ETF1: variants seen among roughly 807,000 people sequenced by gnomAD.
ETF1 encodes the protein eukaryotic peptide chain release factor subunit 1.
Under a neutral mutation model 55.1 loss-of-function variants are expected in ETF1, and 4 were observed. The observed-to-expected ratio is 0.07, with a 90% CI of 0.04 to 0.17. The LOEUF (loss-of-function observed/expected upper bound fraction) is 0.17, where lower values mean the gene tolerates loss of function less well. Among genes scored for constraint, ETF1 ranks in the 10% least tolerant of loss-of-function variants. The pLI is 1.00. For missense variants in ETF1, 142 were observed against 523.6 expected (o/e 0.27, Z 7.11); for synonymous variants, 157 against 182.3 (o/e 0.86, Z 1.12).
chr5:138,531,233 A>T (rs1432936068), intron 2 of ETF1, among the ~76,000 whole-genome samples: 1 of 152,128 alleles, frequency 6.6e-6, no homozygotes, highest in African/African-American at 2.4e-5. Context: ...AAGATAAAAT[A>T]AGGTGCTTAT....
intron 2 of ETF1, among the ~76,000 whole-genome samples, chr5:138,520,900 G>A (rs1765206164): frequency 1.3e-5 from 2 of 152,034 alleles, no homozygotes; most frequent in African/African-American, 4.8e-5. Context: ...AATATAAAAT[G>A]GTACAGCCAT....
At chr5:138,524,129 T>C (rs950600355) in intron 2 of ETF1, among the ~76,000 whole-genome samples, 5 of 150,098 alleles carry the variant, frequency 3.3e-5, no homozygotes, top group South Asian at 2.1e-4. Context: ...GAGGTTGCGG[T>C]GCAGTGAGCC....
intron 3 of ETF1, among the ~76,000 whole-genome samples, chr5:138,518,277 C>G (rs1057043566): frequency 1.3e-5 from 2 of 151,368 alleles, no homozygotes; most frequent in Admixed American, 6.6e-5. Context: ...GCAGCGAGAT[C>G]GTGGCTCACT....
intron 2 of ETF1, among the ~76,000 whole-genome samples, chr5:138,525,839 T>C (rs1275247165): frequency 6.6e-6 from 1 of 150,776 alleles, no homozygotes; most frequent in Non-Finnish European, 1.5e-5. Context: ...CCAGCTACTT[T>C]GAAGGCTGAG....
intron 8 of ETF1, 61 bp downstream of exon 8, chr5:138,510,984 T>TCTC (rs895036284): frequency 7.0e-6 from 11 of 1,577,186 alleles, no homozygotes; most frequent in Non-Finnish European, 9.5e-6. Context: ...CCCTCCCAAA[T>TCTC]CTCCACCCCA....
rs1580731660 is a variant in ETF1, at chr5:138,542,730, G to A, written c.86+103C>T. The A allele has an allele frequency of 7.1e-6, 11 of 1,542,052 alleles. No individual in the cohort carries two copies. The East Asian group carries it at 9.7e-5, about 14-fold the overall frequency. On this transcript the variant is annotated intron_variant, in intron 2 of 10. Coordinates refer to ENST00000360541, the MANE Select transcript of ETF1 (RefSeq NM_004730.4). ...CCAGAGATCCAGAAGGCGGGAGTTG[G>A]CTAGTGCCTGGTTCTCCTCATCCGG...
At chr5:138,517,953 GC>G in intron 3 of ETF1, 3 of 920,614 alleles carry the variant, frequency 3.3e-6, no homozygotes, top group Non-Finnish European at 3.9e-6. Flanking sequence ...TGTAATCCCA[GC>G]ACTCTGGGAG....
At position 138,539,754 on chromosome 5, in the gene ETF1, A is replaced by G. The variant is rs541697217; in HGVS notation, c.86+3079T>C. ...TATAAATGCTCTTCTACACACGTGT[A>G]ACATAAAATAGAATCTGTTATAGCT... On this transcript the variant is annotated intron_variant, in intron 2 of 10. Coordinates refer to ENST00000360541, the MANE Select transcript of ETF1 (RefSeq NM_004730.4). Among the ~76,000 whole-genome samples the G allele has an allele frequency of 5.3e-4, 81 of 152,376 alleles. 1 individual carries two copies. The highest frequency in any genetic ancestry group is 1.9e-3 in the African/African-American group (78 of 41,594).
chr5:138,532,537 A>G (rs559380718), intron 2 of ETF1, among the ~76,000 whole-genome samples: 2 of 152,354 alleles, frequency 1.3e-5, no homozygotes, highest in South Asian at 4.1e-4. Context: ...CACCAGTAGT[A>G]CCAGTTGGAA....
At chr5:138,529,042 C>T (rs528826600) in intron 2 of ETF1, among the ~76,000 whole-genome samples, 14 of 152,026 alleles carry the variant, frequency 9.2e-5, no homozygotes, top group African/African-American at 3.1e-4. Flanking sequence ...GCAGGAGAAT[C>T]GGCTTGAGCC....
intron 2 of ETF1, among the ~76,000 whole-genome samples, chr5:138,542,425 G>A (rs1337250274): frequency 6.6e-6 from 1 of 152,188 alleles, no homozygotes; most frequent in Non-Finnish European, 1.5e-5. Context: ...AGGCCTGGCT[G>A]AGAAATGAAG....
At chr5:138,512,313 C>T (rs1300568713) in intron 6 of ETF1, among the ~76,000 whole-genome samples, 1 of 127,080 alleles carries the variant, frequency 7.9e-6, no homozygotes, top group African/African-American at 3.0e-5. Flanking sequence ...CATAAGGCTA[C>T]TTCCTCCAGA....
At chr5:138,527,462 C>T (rs1165421293) in intron 2 of ETF1, among the ~76,000 whole-genome samples, 4 of 152,190 alleles carry the variant, frequency 2.6e-5, no homozygotes, top group Non-Finnish European at 4.4e-5. Flanking sequence ...TGCTAGGCTT[C>T]TAAACTGTAA....
chr5:138,518,880 G>C lies in ETF1; in HGVS notation c.87-13C>G. 6.2e-7 allele frequency: 1 copy of C among 1,612,036 alleles called. No homozygotes were observed. The highest frequency in any genetic ancestry group is 1.1e-5 in the South Asian group (1 of 91,028). On this transcript the variant is annotated splice_polypyrimidine_tract_variant and intron_variant, in intron 2 of 10. Transcript: ENST00000360541. Reference sequence around the variant, plus strand: ...GCTGGTGCCATTGCTGTGGAAGAAAGAATAACTCATTAGGGATTTAAATAT... The same window carrying C: ...GCTGGTGCCATTGCTGTGGAAGAAACAATAACTCATTAGGGATTTAAATAT...
At chr5:138,520,694 C>A (rs1765198694) in intron 2 of ETF1, among the ~76,000 whole-genome samples, 3 of 152,110 alleles carry the variant, frequency 2.0e-5, no homozygotes, top group African/African-American at 7.2e-5. Context: ...GTGATGCAGG[C>A]CTGTAGCCCT....
chr5:138,508,568 C>A, intron 10 of ETF1, 101 bp downstream of exon 10: 1 of 1,564,378 alleles, frequency 6.4e-7, no homozygotes, highest in Non-Finnish European at 8.6e-7. Context: ...CCTATCCCAG[C>A]AGATAATAAG....
chr5:138,534,267 A>T (rs1185296351), intron 2 of ETF1, among the ~76,000 whole-genome samples: 1 of 152,228 alleles, frequency 6.6e-6, no homozygotes, highest in African/African-American at 2.4e-5. Flanking sequence ...CATCTGGTAG[A>T]GTGTGTACAC....
chr5:138,541,298 T>C (rs1166420651), intron 2 of ETF1, among the ~76,000 whole-genome samples: 1 of 152,182 alleles, frequency 6.6e-6, no homozygotes, highest in African/African-American at 2.4e-5. Flanking sequence ...CGGCACAAGT[T>C]CCTGTAAGAT....
intron 2 of ETF1, chr5:138,519,207 T>C: frequency 1.0e-6 from 1 of 984,998 alleles, no homozygotes; most frequent in Non-Finnish European, 1.2e-6. Flanking sequence ...AGTGAATCTG[T>C]CCGTGGGAGA....
Sources: allele counts gnomAD v4.1 joint callset (sites outside exome capture counted in the v4.1 genomes callset), GRCh38; gene constraint gnomAD v4.1.1; transcripts MANE v1.5; gene names NCBI Gene and HGNC (gene_info 2026-07-23, HGNC 2026-07-21).